HERC6: variants seen among roughly 807,000 people sequenced by gnomAD.
HERC6 encodes probable E3 ubiquitin-protein ligase HERC6.
A neutral mutation model predicts 114.5 loss-of-function variants in HERC6; 101 were observed. That is an observed-to-expected ratio of 0.88 (90% CI 0.75 to 1.04). The LOEUF (loss-of-function observed/expected upper bound fraction) is 1.04, where lower values mean the gene tolerates loss of function less well. Ranked by LOEUF, HERC6 falls within the 50% of genes least tolerant of loss-of-function variation. HERC6 has a pLI of 0.00. For synonymous variants in HERC6, 408 were observed against 436.2 expected, an observed-to-expected ratio of 0.94 and a Z score of 0.81; for missense variants, 1,133 against 1,230.9, an observed-to-expected ratio of 0.92 and a Z score of 1.19.
intron 11 of HERC6, among the ~76,000 whole-genome samples, chr4:88,410,683 A>G (rs1258415468): frequency 6.6e-6 from 1 of 152,170 alleles, no homozygotes; most frequent in Non-Finnish European, 1.5e-5. Flanking sequence ...GCACAGGAGG[A>G]AAAAAACAAG....
In HERC6 at chr4:88,385,563, G is replaced by A. The variant is rs749537132; in HGVS notation, c.424G>A (p.Ala142Thr). ...TTCCTGTGGACACTACCACTCCCTG[G>A]CATTATCAAAAGGTAAGAAACACTT... is the stretch of plus-strand genomic sequence containing the variant. ...QVSCGHYHSLALSKDSQVFSW... is the reference protein window; with the variant it reads ...QVSCGHYHSLTLSKDSQVFSW... Residue 142 changes from alanine (A) to threonine (T), a missense_variant, in exon 3 of 23, where the codon GCA becomes ACA. Around this residue, in one of 3 missense-constraint regions of HERC6, gnomAD observed 735 missense variants for 754.0 expected, o/e 0.97. Transcript: ENST00000264346. The A allele has an allele frequency of 6.7e-7, 1 of 1,498,964 alleles. No individual in the cohort carries two copies. Among genetic ancestry groups the A allele is most frequent in the South Asian group, 1.3e-5 (1 of 77,300 alleles). 92.9% of individuals were successfully genotyped at this position (1,498,964 alleles called of 1,614,324 possible).
intron 7 of HERC6, 133 bp downstream of exon 7, chr4:88,397,120 A>ATT (rs199680181): frequency 1.0e-5 from 7 of 702,050 alleles, no homozygotes; most frequent in African/African-American, 9.6e-5. Flanking sequence ...TTATTTATTT[A>ATT]TTTTTTTTTG....
rs755044315 is a variant in HERC6 at position 88,398,084 on chromosome 4, C to T, written c.1025-58C>T. 2.5e-6 allele frequency: 3 copies of T among 1,180,396 alleles called. No individual in the cohort carries two copies. In the South Asian group the frequency reaches 4.6e-5, roughly 18 times the overall value. 73.1% of individuals were successfully genotyped at this position (1,180,396 alleles called of 1,614,324 possible). On this transcript the variant is annotated intron_variant, in intron 7 of 22. Transcript: ENST00000264346. ...TAAATAAATTTTTGGCTTGATAATA[C>T]ATCAGATTTATTTTTACTTCTAGAA...
intron 8 of HERC6, among the ~76,000 whole-genome samples, chr4:88,400,608 T>C (rs1344505844): frequency 1.3e-5 from 2 of 152,190 alleles, no homozygotes; most frequent in African/African-American, 4.8e-5. Context: ...ACTCATAAAT[T>C]TTAAATGACA....
chr4:88,401,895 A>G (rs1457326331), intron 8 of HERC6, among the ~76,000 whole-genome samples: 1 of 152,248 alleles, frequency 6.6e-6, no homozygotes, highest in African/African-American at 2.4e-5. Context: ...ACAGTTGTGC[A>G]GCTTTCTCCC....
chr4:88,391,085 T>C (rs898850263), intron 4 of HERC6, among the ~76,000 whole-genome samples: 1 of 152,162 alleles, frequency 6.6e-6, no homozygotes, highest in Non-Finnish European at 1.5e-5. Context: ...AAATGTACTA[T>C]CATGTAGTTC....
At chr4:88,401,811 C>T (rs1735559925) in intron 8 of HERC6, among the ~76,000 whole-genome samples, 1 of 152,112 alleles carries the variant, frequency 6.6e-6, no homozygotes, top group Non-Finnish European at 1.5e-5. Flanking sequence ...AGCAGGTAGC[C>T]TTGGAATCCA....
At chr4:88,441,641 T>TCG (rs1480911559) in intron 22 of HERC6, among the ~76,000 whole-genome samples, 1 of 152,180 alleles carries the variant, frequency 6.6e-6, no homozygotes, top group African/African-American at 2.4e-5. Context: ...GAGTTACACA[T>TCG]CTTTCTTCTT....
chr4:88,394,060 A>C (rs1735068393), intron 5 of HERC6, among the ~76,000 whole-genome samples: 1 of 152,216 alleles, frequency 6.6e-6, no homozygotes, highest in Non-Finnish European at 1.5e-5. Context: ...ATATCTAGAC[A>C]GAGCCATTCA....
At chr4:88,394,816 AT>A (rs1398773572) in intron 5 of HERC6, among the ~76,000 whole-genome samples, 2 of 152,186 alleles carry the variant, frequency 1.3e-5, no homozygotes, top group East Asian at 3.9e-4. Context: ...AAGTGTTGAG[AT>A]TACAGGCATG....
At chr4:88,424,792 C>A in intron 15 of HERC6, 90 bp downstream of exon 15, 1 of 722,224 alleles carries the variant, frequency 1.4e-6, no homozygotes, top group Non-Finnish European at 2.2e-6. Flanking sequence ...CAAGATTCAG[C>A]AATTGTCAAC....
intron 1 of HERC6, 45 bp from the exon 2 acceptor site, chr4:88,383,176 A>C: frequency 6.3e-7 from 1 of 1,584,160 alleles, no homozygotes; most frequent in Non-Finnish European, 8.6e-7. Context: ...TTAAATTAAT[A>C]ATCTGCAGTG....
At chr4:88,381,201 A>G (rs1301245250) in intron 1 of HERC6, among the ~76,000 whole-genome samples, 2 of 152,150 alleles carry the variant, frequency 1.3e-5, no homozygotes, top group South Asian at 2.1e-4. Flanking sequence ...GTGGAGGAGG[A>G]AAATTTTTCC....
rs1737795565 is a variant in HERC6 at position 88,427,981 on chromosome 4, TG to T, written c.1936-598del. On this transcript the variant is annotated intron_variant, in intron 15 of 22. Transcript: ENST00000264346. ...AAAAGCTAAAGAGAAGTACTTAGGG[TG>T]ATCAGAAAAGCTAAAAGAAGTACTA... Among the ~76,000 whole-genome samples, 7 of 152,236 alleles carry T rather than the reference TG, an allele frequency of 4.6e-5. 1 individual carries two copies. The South Asian group carries it at 1.2e-3, about 27-fold the overall frequency.
intron 13 of HERC6, among the ~76,000 whole-genome samples, chr4:88,419,531 C>T (rs1489370923): frequency 6.6e-6 from 1 of 151,946 alleles, no homozygotes; most frequent in South Asian, 2.1e-4. Flanking sequence ...GTCTAAGGCA[C>T]CTAGGGCAGC....
At chr4:88,387,966 A>G (rs1397927575) in intron 3 of HERC6, among the ~76,000 whole-genome samples, 1 of 152,182 alleles carries the variant, frequency 6.6e-6, no homozygotes, top group East Asian at 1.9e-4. Context: ...GTTCTCATAG[A>G]CCTTCGTGAG....
At chr4:88,416,937 C>A (rs1736535503) in intron 12 of HERC6, among the ~76,000 whole-genome samples, 1 of 152,094 alleles carries the variant, frequency 6.6e-6, no homozygotes, top group Admixed American at 6.6e-5. Context: ...ATGTTGCAAT[C>A]CAGTAATATT....
At chr4:88,388,829 G>C (rs1207602049) in intron 3 of HERC6, among the ~76,000 whole-genome samples, 1 of 152,154 alleles carries the variant, frequency 6.6e-6, no homozygotes, top group African/African-American at 2.4e-5. Flanking sequence ...CTCAGAGAAA[G>C]CCTGCCTGCA....
intron 20 of HERC6, among the ~76,000 whole-genome samples, chr4:88,439,107 T>C (rs544337503): frequency 2.0e-5 from 3 of 151,958 alleles, no homozygotes; most frequent in East Asian, 1.9e-4. Context: ...GTCTTACTTA[T>C]ATTGAAATCT....
Sources: allele counts gnomAD v4.1 joint callset (sites outside exome capture counted in the v4.1 genomes callset), GRCh38; gene constraint gnomAD v4.1.1; regional missense constraint gnomAD v4.1.1; transcripts MANE v1.5; gene names NCBI Gene and HGNC (gene_info 2026-07-23, HGNC 2026-07-21).